Variants in CHST6 observed in about 807,000 individuals in gnomAD.
CHST6 encodes N-acetylglucosamine 6-O-sulfotransferase 5.
For missense variants in CHST6, 698 were observed against 586.2 expected, an observed-to-expected ratio of 1.19 and a Z score of -1.97; for synonymous variants, 309 against 276.4, an observed-to-expected ratio of 1.12 and a Z score of -1.17.
At chr16:75,492,711 G>A (rs1382340460) in intron 1 of CHST6, among the ~76,000 whole-genome samples, 1 of 151,984 alleles carries the variant, frequency 6.6e-6, no homozygotes, top group African/African-American at 2.4e-5. Context: ...GTAGCCAGGT[G>A]TGGTGGCACG....
rs2080029864 is a variant in CHST6 at position 75,472,466 on chromosome 16, G to A, written c.*6175C>T. 6.6e-6 allele frequency: 1 copy of A among 152,222 alleles called. No homozygotes were observed. Among genetic ancestry groups the A allele is most frequent in the African/African-American group, 2.4e-5 (1 of 41,454 alleles). 9.4% of individuals were successfully genotyped at this position (152,222 alleles called of 1,614,324 possible). The stretch of plus-strand genomic sequence containing the variant: ...GGCACAGCCTTGAACAATGAAAAAG[G>A]AATACAGTTGAGTCATAAGCATGAA... On this transcript the variant is annotated 3_prime_UTR_variant, in exon 3 of 3. Coordinates refer to ENST00000332272, the MANE Select transcript of CHST6 (RefSeq NM_021615.5).
intron 1 of CHST6, among the ~76,000 whole-genome samples, chr16:75,486,086 C>G (rs928812901): frequency 1.3e-5 from 2 of 152,194 alleles, no homozygotes; most frequent in Admixed American, 1.3e-4. Flanking sequence ...CAAGCTCCAT[C>G]TCTCCCAACT....
At position 75,473,660 on chromosome 16, in the gene CHST6, G is replaced by C. The variant is rs532430246; in HGVS notation, c.*4981C>G. 1 of 152,092 alleles carries C rather than the reference G, an allele frequency of 6.6e-6. No individual in the cohort carries two copies. The highest frequency in any genetic ancestry group is 1.5e-5 in the Non-Finnish European group (1 of 68,026). The allele number at this position is 152,092 out of a possible 1,614,324, so 9.4% of individuals were successfully genotyped here. On this transcript the variant is annotated 3_prime_UTR_variant, in exon 3 of 3. Coordinates refer to ENST00000332272, the MANE Select transcript of CHST6 (RefSeq NM_021615.5). ...CCCTTGACTCAGAGGTGGTACCAGA[G>C]GCTGCTGCAGACAAATCCTGTTGCA...
At chr16:75,485,242 T>C (rs1021993513) in intron 1 of CHST6, among the ~76,000 whole-genome samples, 4 of 152,230 alleles carry the variant, frequency 2.6e-5, no homozygotes, top group African/African-American at 9.7e-5. Flanking sequence ...GAAACTTTTT[T>C]TGACATTAAC....
Position 75,478,559 on chromosome 16 carries a change from C to A in CHST6, c.*82G>T. ...ACAAACTCCTTGGTCAATATAGGGACCTGCTTCTCCGTGCGCCCCAGCCCC... is the reference window on the plus strand; with the variant it reads ...ACAAACTCCTTGGTCAATATAGGGAACTGCTTCTCCGTGCGCCCCAGCCCC... On this transcript the variant is annotated 3_prime_UTR_variant, in exon 3 of 3. Coordinates refer to ENST00000332272, the MANE Select transcript of CHST6 (RefSeq NM_021615.5). The A allele has an allele frequency of 1.4e-6, 2 of 1,413,126 alleles. No homozygotes were observed. Among genetic ancestry groups the A allele is most frequent in the South Asian group, 2.3e-5 (2 of 86,426 alleles). The allele number at this position is 1,413,126 out of a possible 1,614,324, so 87.5% of individuals were successfully genotyped here. A position where few individuals can be genotyped will look rare whatever the true frequency, so the allele number is the denominator to read the frequency against.
intron 2 of CHST6, 89 bp downstream of exon 2, chr16:75,481,728 A>G: frequency 2.3e-6 from 1 of 432,008 alleles, no homozygotes; most frequent in Non-Finnish European, 4.8e-6. Flanking sequence ...TGGGTTTGCA[A>G]GGAGACCAGC....
In CHST6 at chr16:75,479,038, A is replaced by C; in HGVS notation, c.791T>G (p.Leu264Arg). The change falls in exon 3 of 3, where the codon CTG (leucine) becomes CGG (arginine). Residue 264 changes from leucine (L) to arginine (R), a missense_variant. By Grantham distance (102) the Leu-to-Arg change is moderately radical. Coordinates refer to ENST00000332272, the MANE Select transcript of CHST6 (RefSeq NM_021615.5). Reference sequence around the variant, plus strand: ...GCGCACCAGGCGGTAGCGGCCGCGCAGAAAGGGTGGCGGCTTGAGTGTGGC... The same window carrying C: ...GCGCACCAGGCGGTAGCGGCCGCGCCGAAAGGGTGGCGGCTTGAGTGTGGC... Reference protein sequence around the residue: ...EAATLKPPPFLRGRYRLVRFE... With the variant: ...EAATLKPPPFRRGRYRLVRFE... 3 of 1,609,356 alleles carry C rather than the reference A, an allele frequency of 1.9e-6. No homozygotes were observed. Among genetic ancestry groups the C allele is most frequent in the Non-Finnish European group, 2.5e-6 (3 of 1,179,760 alleles).
intron 1 of CHST6, 80 bp from the exon 2 acceptor site, chr16:75,481,971 G>C (rs1206056031): frequency 1.4e-5 from 6 of 418,832 alleles, no homozygotes; most frequent in South Asian, 3.5e-5. Context: ...TCTGAGGCTC[G>C]ATTTCCACTT....
rs2080046736 is a variant in CHST6, at chr16:75,474,468, G to A, written c.*4173C>T. 1 of 395,490 alleles carries A rather than the reference G, an allele frequency of 2.5e-6. No homozygotes were observed. The highest frequency in any genetic ancestry group is 4.4e-5 in the Admixed American group (1 of 22,664). The allele number at this position is 395,490 out of a possible 1,614,324, so 24.5% of individuals were successfully genotyped here. Reference sequence around the variant, plus strand: ...TTTTTTTTAACTTTGTAGAGATGGGGTCTCACTATGTTGCCCAGGCTGGTC... The same window carrying A: ...TTTTTTTTAACTTTGTAGAGATGGGATCTCACTATGTTGCCCAGGCTGGTC... On this transcript the variant is annotated 3_prime_UTR_variant, in exon 3 of 3. Coordinates refer to ENST00000332272, the MANE Select transcript of CHST6 (RefSeq NM_021615.5).
At chr16:75,485,263 A>G (rs1396237518) in intron 1 of CHST6, among the ~76,000 whole-genome samples, 1 of 152,178 alleles carries the variant, frequency 6.6e-6, no homozygotes, top group Non-Finnish European at 1.5e-5. Flanking sequence ...TCTTTTTAAA[A>G]TTTATTTTTG....
intron 1 of CHST6, among the ~76,000 whole-genome samples, chr16:75,493,502 G>C (rs1394802180): frequency 2.0e-5 from 3 of 146,766 alleles, no homozygotes; most frequent in Non-Finnish European, 3.0e-5. Flanking sequence ...CGGTGACAGA[G>C]CGAGACTCCG....
chr16:75,490,258 C>A (rs1334599504), intron 1 of CHST6, among the ~76,000 whole-genome samples: 1 of 149,842 alleles, frequency 6.7e-6, no homozygotes, highest in African/African-American at 2.5e-5. Context: ...GCTGGTGGAT[C>A]ACCTGAGGTC....
At chr16:75,491,312 G>T (rs1025589904) in intron 1 of CHST6, among the ~76,000 whole-genome samples, 1 of 147,900 alleles carries the variant, frequency 6.8e-6, no homozygotes, top group African/African-American at 2.5e-5. Flanking sequence ...ACAAAGTATG[G>T]GAGATGCACA....
Position 75,479,211 on chromosome 16 carries a change from G to C in CHST6, c.618C>G (p.Ala206=), listed in dbSNP as rs375834358. ...RIVHLVRDPR[A]VLRSREQTAK... Reference sequence around the variant, plus strand: ...CTGTCTGCTCCCGGGAGCGCAGCACGGCCCGCGGGTCGCGCACCAGGTGCA... The same window carrying C: ...CTGTCTGCTCCCGGGAGCGCAGCACCGCCCGCGGGTCGCGCACCAGGTGCA... The change falls in exon 3 of 3, where the codon GCC becomes GCG. Residue 206 remains alanine, a synonymous_variant. Transcript: ENST00000332272. 7.3e-5 allele frequency: 117 copies of C among 1,609,612 alleles called. No homozygotes were observed. In the African/African-American group the frequency reaches 1.3e-3, roughly 19 times the overall value.
At chr16:75,480,630 G>T (rs1170505119) in intron 2 of CHST6, among the ~76,000 whole-genome samples, 1 of 151,176 alleles carries the variant, frequency 6.6e-6, no homozygotes, top group African/African-American at 2.4e-5. Flanking sequence ...TTTTCTTATT[G>T]AAAATAAGCA....
chr16:75,478,076 C>T lies in CHST6; in HGVS notation c.*565G>A, dbSNP rs1597470729. 5.9e-6 allele frequency: 1 copy of T among 168,340 alleles called. No homozygotes were observed. Among genetic ancestry groups the T allele is most frequent in the South Asian group, 1.5e-4 (1 of 6,830 alleles). The allele number at this position is 168,340 out of a possible 1,614,324, so 10.4% of individuals were successfully genotyped here. A position where few individuals can be genotyped will look rare whatever the true frequency, so the allele number is the denominator to read the frequency against. ...GCAATTAAAATAGGAAAATCTGACC[C>T]TTCTCACCCAGGAGGCAGGTCCTCT... On this transcript the variant is annotated 3_prime_UTR_variant, in exon 3 of 3. Coordinates refer to ENST00000332272, the MANE Select transcript of CHST6 (RefSeq NM_021615.5).
At chr16:75,488,811 C>A (rs190313501) in intron 1 of CHST6, among the ~76,000 whole-genome samples, 1 of 150,204 alleles carries the variant, frequency 6.7e-6, no homozygotes, top group Non-Finnish European at 1.5e-5. Flanking sequence ...CGCTTGAACC[C>A]GGGAGGTGGA....
chr16:75,493,604 G>C (rs950527543), intron 1 of CHST6, among the ~76,000 whole-genome samples: 2 of 151,858 alleles, frequency 1.3e-5, no homozygotes, highest in Non-Finnish European at 2.9e-5. Flanking sequence ...GTGGATATTT[G>C]TAAAGCAGAA....
At position 75,479,237 on chromosome 16, in the gene CHST6, C is replaced by T. The variant is rs777714119; in HGVS notation, c.592G>A (p.Val198Met). The T allele has an allele frequency of 1.9e-6, 3 of 1,611,552 alleles. No homozygotes were observed. The highest frequency in any genetic ancestry group is 1.6e-4 in the Middle Eastern group (1 of 6,084). The change falls in exon 3 of 3, where the codon GTG (valine) becomes ATG (methionine). Residue 198 changes from valine (V) to methionine (M), a missense_variant. By Grantham distance (21) the Val-to-Met change is conservative (BLOSUM62 1). Transcript: ENST00000332272. The part of the protein sequence containing the change: ...LSDPALNLRI[V>M]HLVRDPRAVL... ...GCCCGCGGGTCGCGCACCAGGTGCACGATGCGTAGGTTGAGCGCGGGGTCG... is the reference window on the plus strand; with the variant it reads ...GCCCGCGGGTCGCGCACCAGGTGCATGATGCGTAGGTTGAGCGCGGGGTCG...
Sources: allele counts gnomAD v4.1 joint callset (sites outside exome capture counted in the v4.1 genomes callset), GRCh38; gene constraint gnomAD v4.1.1; transcripts MANE v1.5; gene names NCBI Gene and HGNC (gene_info 2026-07-23, HGNC 2026-07-21).